PALM2AKAP2: variants seen among roughly 807,000 people sequenced by gnomAD.
PALM2AKAP2 encodes PALM2-AKAP2 fusion protein.
A neutral mutation model predicts 71.5 loss-of-function variants in PALM2AKAP2; 37 were observed. The observed-to-expected ratio is 0.52, with a 90% CI of 0.40 to 0.68. PALM2AKAP2 has a LOEUF of 0.68. Ranked by LOEUF, PALM2AKAP2 falls within the 30% of genes least tolerant of loss-of-function variation. PALM2AKAP2 has a pLI of 0.00. For synonymous variants in PALM2AKAP2, 468 were observed against 478.8 expected (o/e 0.98, Z 0.29); for missense variants, 1,224 against 1,191.8 (o/e 1.03, Z -0.40).
chr9:110,001,721 G>T (rs182351000), intron 6 of PALM2AKAP2, among the ~76,000 whole-genome samples: 165 of 152,228 alleles, frequency 1.1e-3, no homozygotes, highest in African/African-American at 3.7e-3. Context: ...CCTTGAAGAG[G>T]TCCTTCATGT....
exon 7 of PALM2AKAP2, chr9:110,015,954 G>A (rs1338901169): frequency 6.2e-7 from 1 of 1,613,686 alleles, no homozygotes; most frequent in South Asian, 1.1e-5. Context: ...TTTCTTTCAG[G>A]AGTCGGGTGG....
At chr9:109,764,675 T>G (rs996510857) in intron 1 of PALM2AKAP2, among the ~76,000 whole-genome samples, 1 of 152,138 alleles carries the variant, frequency 6.6e-6, no homozygotes, top group African/African-American at 2.4e-5. Flanking sequence ...CCGATGCCAG[T>G]GCAGTAGTGG....
chr9:110,053,374 A>G (rs572356286), intron 1 of PALM2AKAP2, among the ~76,000 whole-genome samples: 3 of 152,084 alleles, frequency 2.0e-5, no homozygotes, highest in African/African-American at 7.2e-5. Context: ...AAAAGAATAC[A>G]AAAATTAGCC....
At chr9:109,891,227 G>A (rs1251841788) in intron 3 of PALM2AKAP2, among the ~76,000 whole-genome samples, 1 of 152,182 alleles carries the variant, frequency 6.6e-6, no homozygotes, top group East Asian at 1.9e-4. Context: ...CAGTTCCACA[G>A]GGTAGGCAGC....
chr9:109,775,299 A>G (rs1476228599), upstream of PALM2AKAP2, among the ~76,000 whole-genome samples: 1 of 152,242 alleles, frequency 6.6e-6, no homozygotes, highest in East Asian at 1.9e-4. Context: ...CTCATTTTCA[A>G]TCTGCTATGT....
intron 1 of PALM2AKAP2, among the ~76,000 whole-genome samples, chr9:109,799,199 G>A (rs1827349860): frequency 3.3e-5 from 5 of 152,272 alleles, no homozygotes; most frequent in Admixed American, 3.3e-4. Context: ...ACAGTGTCAG[G>A]AAGTGATGTG....
intron 1 of PALM2AKAP2, among the ~76,000 whole-genome samples, chr9:109,781,736 T>C (rs546264737): frequency 3.3e-5 from 5 of 152,344 alleles, no homozygotes; most frequent in African/African-American, 1.2e-4. Flanking sequence ...TTGCTGGCAA[T>C]ATTGAAATGC....
intron 1 of PALM2AKAP2, among the ~76,000 whole-genome samples, chr9:110,096,414 C>T (rs1274672463): frequency 9.3e-6 from 1 of 107,168 alleles, no homozygotes; most frequent in Admixed American, 8.3e-5. Flanking sequence ...CAGGAATGCA[C>T]CATTATGCCT....
chr9:109,837,995 C>T (rs1013003217), intron 1 of PALM2AKAP2, among the ~76,000 whole-genome samples: 4 of 152,088 alleles, frequency 2.6e-5, no homozygotes, highest in African/African-American at 9.7e-5. Flanking sequence ...CAAGGATATC[C>T]AGGACTTGAA....
chr9:109,808,778 A>G (rs1326031283), intron 1 of PALM2AKAP2, among the ~76,000 whole-genome samples: 1 of 152,226 alleles, frequency 6.6e-6, no homozygotes, highest in African/African-American at 2.4e-5. Flanking sequence ...CAGAGGGCCT[A>G]TGAGGAAAAG....
intron 6 of PALM2AKAP2, among the ~76,000 whole-genome samples, chr9:110,004,319 G>A (rs925336550): frequency 7.2e-5 from 11 of 152,104 alleles, no homozygotes. Flanking sequence ...GAAATTCTGG[G>A]TTGAAAATTC....
chr9:109,664,450 C>G (rs112517621), intron 1 of PALM2AKAP2, among the ~76,000 whole-genome samples: 1 of 152,130 alleles, frequency 6.6e-6, no homozygotes, highest in East Asian at 1.9e-4. Flanking sequence ...ACTTTTGAAG[C>G]TTGGTTTGAC....
chr9:110,144,727 T>G (rs1240178142), intron 2 of PALM2AKAP2, among the ~76,000 whole-genome samples: 3 of 152,244 alleles, frequency 2.0e-5, no homozygotes, highest in Non-Finnish European at 2.9e-5. Flanking sequence ...GGGTAAAGAC[T>G]AGGAGACCTT....
intron 1 of PALM2AKAP2, among the ~76,000 whole-genome samples, chr9:110,135,764 T>C (rs1277872390): frequency 6.6e-6 from 1 of 152,224 alleles, no homozygotes; most frequent in African/African-American, 2.4e-5. Flanking sequence ...GATCTGTTCA[T>C]ACAAAAGGAC....
chr9:109,752,653 T>C (rs1828901726), intron 1 of PALM2AKAP2, among the ~76,000 whole-genome samples: 4 of 152,150 alleles, frequency 2.6e-5, no homozygotes. Context: ...GCCATCATAT[T>C]ATGAAGGACC....
At chr9:109,707,407 A>G (rs945305802) in intron 1 of PALM2AKAP2, among the ~76,000 whole-genome samples, 7 of 152,174 alleles carry the variant, frequency 4.6e-5, no homozygotes, top group Admixed American at 2.0e-4. Context: ...CACTTCAAAT[A>G]CAAAGATACA....
chr9:110,144,073 G>C (rs546930802), intron 2 of PALM2AKAP2, among the ~76,000 whole-genome samples: 8 of 152,242 alleles, frequency 5.3e-5, no homozygotes, highest in Non-Finnish European at 1.0e-4. Flanking sequence ...GTTTGCGACT[G>C]TCCACACATT....
intron 1 of PALM2AKAP2, among the ~76,000 whole-genome samples, chr9:110,070,131 C>A (rs1162693902): frequency 1.3e-5 from 2 of 152,174 alleles, no homozygotes; most frequent in African/African-American, 4.8e-5. Context: ...AGTACAAAAC[C>A]CATAGTGGAA....
intron 3 of PALM2AKAP2, 143 bp from the exon 10 acceptor site, chr9:110,161,951 A>C: frequency 1.0e-6 from 1 of 988,662 alleles, no homozygotes; most frequent in South Asian, 1.6e-5. Flanking sequence ...AGATGGAGAA[A>C]GTTTTGGCAT....
Sources: gnomAD v4.1 joint callset for allele counts (sites outside exome capture counted in the v4.1 genomes callset) on GRCh38, gnomAD v4.1.1 for gene constraint, MANE v1.5 for transcripts, NCBI Gene and HGNC (gene_info 2026-07-23, HGNC 2026-07-21) for gene names.